Variants in SRFBP1 observed in about 807,000 individuals in gnomAD.
SRFBP1 encodes serum response factor-binding protein 1.
Under a neutral mutation model 45.5 loss-of-function variants are expected in SRFBP1, and 47 were observed. The observed-to-expected ratio is 1.03, with a 90% confidence interval of 0.82 to 1.32. SRFBP1 has a LOEUF of 1.32. SRFBP1 is among the 40% of genes most tolerant of loss of function. The pLI is 0.00. For synonymous variants in SRFBP1, 203 were observed against 166.3 expected (o/e 1.22, Z -1.70); for missense variants, 621 against 484.6 (o/e 1.28, Z -2.64).
At chr5:121,998,381 T>G (rs1259137737) in intron 4 of SRFBP1, among the ~76,000 whole-genome samples, 1 of 145,356 alleles carries the variant, frequency 6.9e-6, no homozygotes, top group Admixed American at 6.9e-5. Flanking sequence ...TGGATGAAAT[T>G]GGAAATCATC....
chr5:122,039,022 C>G (rs1248314141), intron 2 of SRFBP1, among the ~76,000 whole-genome samples: 1 of 151,904 alleles, frequency 6.6e-6, no homozygotes, highest in African/African-American at 2.4e-5. Context: ...AAACAATGAA[C>G]AAGTACTTCC....
intron 3 of SRFBP1, among the ~76,000 whole-genome samples, chr5:121,983,963 C>G (rs1752468154): frequency 2.0e-5 from 3 of 151,686 alleles, no homozygotes; most frequent in Admixed American, 2.0e-4. Context: ...TCAGTTGACC[C>G]CTGTCATCGT....
chr5:121,995,746 C>T (rs921124663), intron 4 of SRFBP1, among the ~76,000 whole-genome samples: 1 of 151,548 alleles, frequency 6.6e-6, no homozygotes, highest in Non-Finnish European at 1.5e-5. Flanking sequence ...AAAGGATCAA[C>T]AAAATTGATA....
At chr5:122,061,820 T>C (rs1439392721) in intron 2 of SRFBP1, among the ~76,000 whole-genome samples, 3 of 152,004 alleles carry the variant, frequency 2.0e-5, no homozygotes, top group Non-Finnish European at 4.4e-5. Context: ...CCATGTTCTG[T>C]AGTTTTTTAG....
intron 2 of SRFBP1, among the ~76,000 whole-genome samples, chr5:122,059,893 G>A (rs569688374): frequency 6.6e-6 from 1 of 152,216 alleles, no homozygotes; most frequent in Admixed American, 6.5e-5. Context: ...TGGTCAGTGG[G>A]AAAGAGTAGC....
intron 4 of SRFBP1, among the ~76,000 whole-genome samples, chr5:122,002,604 G>A (rs1017002078): frequency 1.3e-5 from 2 of 152,172 alleles, no homozygotes; most frequent in African/African-American, 4.8e-5. Context: ...GGAATCATCA[G>A]TCCACTGGCA....
chr5:121,978,735 GC>G (rs999620827), intron 3 of SRFBP1, among the ~76,000 whole-genome samples: 1 of 152,012 alleles, frequency 6.6e-6, no homozygotes, highest in Non-Finnish European at 1.5e-5. Flanking sequence ...CAGGTGATCC[GC>G]CCACCTCGGC....
chr5:121,975,189 A>G (rs1752277172), intron 2 of SRFBP1, 126 bp from the exon 3 acceptor site: 2 of 932,418 alleles, frequency 2.1e-6, no homozygotes, highest in Non-Finnish European at 3.3e-6. Flanking sequence ...AGTGTAGGAT[A>G]GTGGCGTGTT....
At position 122,027,091 on chromosome 5, in the gene SRFBP1, G is replaced by T. The variant is rs183748946; in HGVS notation, c.1255G>T (p.Val419Leu). The change falls in exon 8 of 8, where the codon GTG (valine) becomes TTG (leucine). Residue 419 changes from valine to leucine, a missense_variant. Val to Leu is a conservative substitution (Grantham distance 32, BLOSUM62 1). Coordinates refer to ENST00000339397, the MANE Select transcript of SRFBP1 (RefSeq NM_152546.3). ...RRKEQQSNIA[V>L]FQGKKITFDD Reference sequence around the variant, plus strand: ...AAAAGAACAGCAATCTAATATTGCTGTGTTTCAGGGGAAAAAAATTACGTT... The same window carrying T: ...AAAAGAACAGCAATCTAATATTGCTTTGTTTCAGGGGAAAAAAATTACGTT... The T allele has an allele frequency of 8.5e-4, 1,367 of 1,607,648 alleles. 9 individuals are homozygous for T. The African/African-American group carries it at 0.016, about 19-fold the overall frequency.
At chr5:122,022,806 G>A (rs558656831) in intron 7 of SRFBP1, among the ~76,000 whole-genome samples, 12 of 152,230 alleles carry the variant, frequency 7.9e-5, no homozygotes, top group South Asian at 6.2e-4. Flanking sequence ...AGATTAATTC[G>A]TAACAAATCT....
At chr5:122,053,209 C>T (rs772106856) in intron 2 of SRFBP1, among the ~76,000 whole-genome samples, 1 of 152,160 alleles carries the variant, frequency 6.6e-6, no homozygotes, top group African/African-American at 2.4e-5. Flanking sequence ...GAAGCAGGAC[C>T]ATTGAGTTGG....
At chr5:121,986,309 C>T (rs937654389) in intron 3 of SRFBP1, among the ~76,000 whole-genome samples, 3 of 151,840 alleles carry the variant, frequency 2.0e-5, no homozygotes, top group Non-Finnish European at 2.9e-5. Context: ...GATTTAGCAG[C>T]GTGGAGATCA....
intron 3 of SRFBP1, among the ~76,000 whole-genome samples, chr5:121,985,255 T>A (rs1339202478): frequency 2.6e-5 from 4 of 151,834 alleles, no homozygotes; most frequent in Non-Finnish European, 5.9e-5. Flanking sequence ...TCTTAAAAGT[T>A]GAATGAAACT....
chr5:122,066,319 A>G (rs1467273199), intron 2 of SRFBP1: 1 of 163,394 alleles, frequency 6.1e-6, no homozygotes, highest in African/African-American at 2.4e-5. Context: ...CTATGCTATG[A>G]CATATATAAA....
Position 122,027,156 on chromosome 5 carries a change from CT to C in SRFBP1, c.*31del. The C allele has an allele frequency of 6.5e-7, 1 of 1,542,506 alleles. No individual in the cohort carries two copies. Among genetic ancestry groups the C allele is most frequent in the Admixed American group, 2.0e-5 (1 of 50,374 alleles). On this transcript the variant is annotated 3_prime_UTR_variant, in exon 8 of 8. Transcript: ENST00000339397. ...TGCCTCTTTCTGCAAACTTTTCCAT[CT>C]AAAAAAAAAAATGTTTTTTTTAAGA...
chr5:122,003,177 T>C (rs1752908833), intron 4 of SRFBP1, among the ~76,000 whole-genome samples: 1 of 151,942 alleles, frequency 6.6e-6, no homozygotes, highest in South Asian at 2.1e-4. Context: ...ACCCTATCTC[T>C]ACAAAAACAT....
downstream of SRFBP1, chr5:122,077,887 G>T: frequency 6.5e-7 from 1 of 1,532,862 alleles, no homozygotes. This position sits in a 1 kb window ranked among gnomAD's most constrained non-coding sequence, Gnocchi z 4.9. Context: ...CCGGCGGCTC[G>T]CGCGGGGGCT....
Position 122,013,966 on chromosome 5 carries a change from G to C in SRFBP1, c.271-5294G>C, listed in dbSNP as rs371741215. 1.1e-3 allele frequency among the ~76,000 whole-genome samples: 173 copies of C among 151,768 alleles called. 1 individual carries two copies. Among genetic ancestry groups the C allele is most frequent in the African/African-American group, 4.0e-3 (167 of 41,264 alleles). On this transcript the variant is annotated intron_variant, in intron 4 of 7. Coordinates refer to ENST00000339397, the MANE Select transcript of SRFBP1 (RefSeq NM_152546.3). The stretch of plus-strand genomic sequence containing the variant: ...AGTTAGAAAGAAGGACCAAGTTCTG[G>C]TGCTCTGTAGCACAGCAAGGTGACT...
chr5:122,020,062 T>A, intron 5 of SRFBP1, 26 bp from the exon 6 acceptor site: 1 of 1,446,802 alleles, frequency 6.9e-7, no homozygotes, highest in Non-Finnish European at 9.3e-7. Flanking sequence ...AGTGCTAAAA[T>A]GAGTGATGCA....
Sources: gnomAD v4.1 joint callset for allele counts (sites outside exome capture counted in the v4.1 genomes callset) on GRCh38, gnomAD v4.1.1 for gene constraint, Gnocchi (gnomAD v3.1) non-coding constraint, MANE v1.5 for transcripts, NCBI Gene and HGNC (gene_info 2026-07-23, HGNC 2026-07-21) for gene names.